The following PTPRD variants were observed in gnomAD, a reference collection of about 807,000 sequenced individuals.
PTPRD encodes receptor-type tyrosine-protein phosphatase delta.
Under a neutral mutation model 214.5 loss-of-function variants are expected in PTPRD, and 34 were observed. The observed-to-expected ratio is 0.16, with a 90% confidence interval of 0.12 to 0.21. The LOEUF (loss-of-function observed/expected upper bound fraction) is 0.21. Ranked by LOEUF, PTPRD falls within the 10% of genes least tolerant of loss-of-function variation. The pLI is 1.00. For missense variants in PTPRD, 2,545 were observed against 2,398.7 expected, an observed-to-expected ratio of 1.06 and a Z score of -1.27; for synonymous variants, 1,128 against 845.7, an observed-to-expected ratio of 1.33 and a Z score of -5.79.
At chr9:9,289,593 A>C (rs1319852549) in intron 9 of PTPRD, among the ~76,000 whole-genome samples, 4 of 151,774 alleles carry the variant, frequency 2.6e-5, no homozygotes, top group Non-Finnish European at 4.4e-5. Flanking sequence ...CTTACAATTC[A>C]AACTTTGTAC....
chr9:9,149,086 A>T (rs946010426), intron 10 of PTPRD, among the ~76,000 whole-genome samples: 1 of 152,220 alleles, frequency 6.6e-6, no homozygotes, highest in Non-Finnish European at 1.5e-5. Context: ...TTAAGAGTTC[A>T]GCTTCCGCAG....
At chr9:9,643,635 A>G (rs535313898) in intron 7 of PTPRD, among the ~76,000 whole-genome samples, 2 of 152,324 alleles carry the variant, frequency 1.3e-5, no homozygotes, top group East Asian at 3.9e-4. Flanking sequence ...AATGGAAAAG[A>G]GAATCAAACG....
chr9:9,160,302 C>G (rs2099885475), intron 10 of PTPRD, among the ~76,000 whole-genome samples: 1 of 151,868 alleles, frequency 6.6e-6, no homozygotes, highest in Admixed American at 6.6e-5. Context: ...TGTGATAAGC[C>G]AAAAATATAT....
At chr9:9,889,590 T>C (rs898482403) in intron 5 of PTPRD, among the ~76,000 whole-genome samples, 19 of 152,058 alleles carry the variant, frequency 1.2e-4, no homozygotes, top group African/African-American at 4.6e-4. Flanking sequence ...TGTTAGTAAT[T>C]GATTTACTGC....
At chr9:10,075,932 C>T (rs566242871) in intron 3 of PTPRD, among the ~76,000 whole-genome samples, 1 of 152,256 alleles carries the variant, frequency 6.6e-6, no homozygotes, top group Non-Finnish European at 1.5e-5. Context: ...GAAGTCTTCA[C>T]ACTCACAGTT....
intron 3 of PTPRD, among the ~76,000 whole-genome samples, chr9:10,152,739 A>G (rs2099069247): frequency 6.6e-6 from 1 of 152,118 alleles, no homozygotes; most frequent in African/African-American, 2.4e-5. Flanking sequence ...GCAGGAGAAT[A>G]GCTTGAACCT....
chr9:10,097,091 A>G (rs4355831), intron 3 of PTPRD, among the ~76,000 whole-genome samples: 61,648 of 148,830 alleles, frequency 0.41, 13,506 homozygotes, highest in East Asian at 0.54. Context: ...TGTTCCATTG[A>G]TCTATATCTC....
At chr9:10,211,958 TTTA>T (rs2099519381) in intron 3 of PTPRD, among the ~76,000 whole-genome samples, 1 of 152,134 alleles carries the variant, frequency 6.6e-6, no homozygotes, top group Admixed American at 6.5e-5. Context: ...TACAACATTT[TTTA>T]AAACAAGATA....
chr9:9,772,622 A>T (rs1023344910), intron 5 of PTPRD, among the ~76,000 whole-genome samples: 1 of 141,760 alleles, frequency 7.1e-6, no homozygotes, highest in African/African-American at 2.6e-5. Flanking sequence ...TGTCTATCAC[A>T]AACACTTTAG....
chr9:9,644,159 AT>A (rs2096066681), intron 7 of PTPRD, among the ~76,000 whole-genome samples: 1 of 152,132 alleles, frequency 6.6e-6, no homozygotes, highest in Admixed American at 6.6e-5. Context: ...GTTTATATAG[AT>A]TTCTTTGTGA....
chr9:8,694,692 C>T (rs1216177973), intron 12 of PTPRD, among the ~76,000 whole-genome samples: 1 of 152,190 alleles, frequency 6.6e-6, no homozygotes, highest in Non-Finnish European at 1.5e-5. Context: ...TTCACAAATT[C>T]AATTCATAAT....
At chr9:9,154,185 T>C (rs2099879243) in intron 10 of PTPRD, among the ~76,000 whole-genome samples, 1 of 152,152 alleles carries the variant, frequency 6.6e-6, no homozygotes, top group Admixed American at 6.6e-5. Flanking sequence ...CCTGGAACAT[T>C]AATGCCACAA....
chr9:10,171,260 T>G (rs1180986006), intron 3 of PTPRD, among the ~76,000 whole-genome samples: 1 of 152,150 alleles, frequency 6.6e-6, no homozygotes, highest in Non-Finnish European at 1.5e-5. Flanking sequence ...CTCTCATAAT[T>G]CCCACATGTT....
At chr9:10,559,754 G>C (rs1394386024) in intron 2 of PTPRD, among the ~76,000 whole-genome samples, 1 of 152,068 alleles carries the variant, frequency 6.6e-6, no homozygotes, top group African/African-American at 2.4e-5. Flanking sequence ...CGAAGGACAT[G>C]AACAGACACT....
Position 10,195,613 on chromosome 9 carries a change from T to C in PTPRD, c.-545+145350A>G, listed in dbSNP as rs906700960. On this transcript the variant is annotated intron_variant, in intron 3 of 45. Transcript: ENST00000381196. ...ATCCCAGGTCAACTTTAGTATAAGG[T>C]ATAATTTATCCCTCTGTCATCCAAC... Among the ~76,000 whole-genome samples, 4 of 152,148 alleles carry C rather than the reference T, an allele frequency of 2.6e-5. No individual in the cohort carries two copies. In the South Asian group the frequency reaches 6.2e-4, roughly 24 times the overall value.
intron 3 of PTPRD, among the ~76,000 whole-genome samples, chr9:10,320,113 G>C (rs1340863397): frequency 1.3e-5 from 2 of 151,858 alleles, no homozygotes; most frequent in East Asian, 1.9e-4. Context: ...CTAAACTCTT[G>C]ACTTTTTAAA....
chr9:9,650,374 T>C (rs2096304558), intron 7 of PTPRD, among the ~76,000 whole-genome samples: 1 of 152,212 alleles, frequency 6.6e-6, no homozygotes, highest in Admixed American at 6.5e-5. Flanking sequence ...GAATCACATT[T>C]ACTGATTTGC....
chr9:8,762,746 T>C (rs1360196167), intron 11 of PTPRD, among the ~76,000 whole-genome samples: 2 of 152,120 alleles, frequency 1.3e-5, no homozygotes, highest in Non-Finnish European at 2.9e-5. Context: ...AGTTAACCCA[T>C]AGGAAAAACG....
intron 33 of PTPRD, among the ~76,000 whole-genome samples, chr9:8,453,458 C>T (rs1199394725): frequency 6.6e-6 from 1 of 152,212 alleles, no homozygotes; most frequent in Non-Finnish European, 1.5e-5. Context: ...GCCACCATGC[C>T]TGGCCGATGA....
Sources: allele counts gnomAD v4.1 joint callset (sites outside exome capture counted in the v4.1 genomes callset), GRCh38; gene constraint gnomAD v4.1.1; transcripts MANE v1.5; gene names NCBI Gene and HGNC (gene_info 2026-07-23, HGNC 2026-07-21).